SLC1A3: variants seen among roughly 807,000 people sequenced by gnomAD.
The protein encoded by SLC1A3 is solute carrier family 1 member 3, also known as excitatory amino acid transporter 1.
Under a neutral mutation model 48.1 loss-of-function variants are expected in SLC1A3, and 21 were observed. The ratio of observed to expected loss-of-function variants is 0.44; its 90% confidence interval spans 0.31 to 0.63. The LOEUF is 0.63. Among genes scored for constraint, SLC1A3 ranks in the 20% least tolerant of loss-of-function variants. SLC1A3 has a pLI of 0.08. For missense variants in SLC1A3, 546 were observed against 689.0 expected, an observed-to-expected ratio of 0.79 and a Z score of 2.32; for synonymous variants, 239 against 251.4, an observed-to-expected ratio of 0.95 and a Z score of 0.47.
At chr5:36,655,184 C>G (rs1196674661) in intron 3 of SLC1A3, among the ~76,000 whole-genome samples, 3 of 152,218 alleles carry the variant, frequency 2.0e-5, no homozygotes, top group African/African-American at 7.2e-5. Flanking sequence ...TCAGTGACTA[C>G]TACACTCTGA....
At chr5:36,655,504 G>A (rs555787707) in intron 3 of SLC1A3, among the ~76,000 whole-genome samples, 94 of 152,174 alleles carry the variant, frequency 6.2e-4, no homozygotes, top group Non-Finnish European at 1.2e-3. Flanking sequence ...GGGTGACCCT[G>A]AGTAAACAAT....
At chr5:36,637,366 A>G (rs1740436081) in intron 3 of SLC1A3, among the ~76,000 whole-genome samples, 1 of 152,244 alleles carries the variant, frequency 6.6e-6, no homozygotes. Context: ...TTAAAAGATC[A>G]GTAATAAAAG....
At chr5:36,631,871 A>G (rs1015883440) in intron 3 of SLC1A3, among the ~76,000 whole-genome samples, 2 of 152,226 alleles carry the variant, frequency 1.3e-5, no homozygotes, top group Admixed American at 1.3e-4. Flanking sequence ...ACTTCTACAA[A>G]TTACACAGAC....
At chr5:36,635,884 C>T (rs72732539) in intron 3 of SLC1A3, 1 of 152,138 alleles carries the variant, frequency 6.6e-6, no homozygotes, top group Non-Finnish European at 1.5e-5. Context: ...CGTATTGGGC[C>T]TGCTTCATTG....
upstream of SLC1A3, among the ~76,000 whole-genome samples, chr5:36,604,438 G>C (rs78947724): frequency 4.1e-3 from 617 of 152,298 alleles, 12 homozygotes; most frequent in East Asian, 0.055. Flanking sequence ...CCCCAGGCAT[G>C]ACTTTTGCTA....
upstream of SLC1A3, among the ~76,000 whole-genome samples, chr5:36,604,722 A>G (rs1738854402): frequency 6.6e-6 from 1 of 152,212 alleles, no homozygotes; most frequent in Admixed American, 6.5e-5. Flanking sequence ...AAAGGGCACC[A>G]GGGTCTTCCC....
chr5:36,676,997 A>T lies in SLC1A3; in HGVS notation c.673A>T (p.Thr225Ser). Residue 225 changes from threonine (T) to serine (S), a missense_variant, in exon 6 of 10, where the codon ACC (threonine) becomes TCC (serine). This residue lies in a region of SLC1A3 where 348 missense variants were observed against 392.0 expected (regional missense o/e 0.89). Coordinates refer to ENST00000265113, the MANE Select transcript of SLC1A3 (RefSeq NM_004172.5). ...NNVSEAMETL[T>S]RITEELVPVP... ...TGTGTCTGAGGCCATGGAGACTCTT[A>T]CCCGAATCACAGAGGAGCTGGTCCC... The T allele has an allele frequency of 6.2e-7, 1 of 1,614,056 alleles. No homozygotes were observed. Among genetic ancestry groups the T allele is most frequent in the South Asian group, 1.1e-5 (1 of 91,078 alleles).
Position 36,608,410 on chromosome 5 carries a change from T to C in SLC1A3, c.-14T>C, listed in dbSNP as rs1739047475. 1 of 1,613,518 alleles carries C rather than the reference T, an allele frequency of 6.2e-7. No homozygotes were observed. Among genetic ancestry groups the C allele is most frequent in the African/African-American group, 1.3e-5 (1 of 74,970 alleles). Reference sequence around the variant, plus strand: ...CTGAAGTGCAAAGAAGAGACCCTCCTAGAAAAGTAAAATATGACTAAAAGC... The same window carrying C: ...CTGAAGTGCAAAGAAGAGACCCTCCCAGAAAAGTAAAATATGACTAAAAGC... On this transcript the variant is annotated 5_prime_UTR_variant, in exon 2 of 10. Transcript: ENST00000265113.
chr5:36,676,678 G>C (rs1742221282), intron 5 of SLC1A3, among the ~76,000 whole-genome samples: 1 of 151,770 alleles, frequency 6.6e-6, no homozygotes, highest in Non-Finnish European at 1.5e-5. Flanking sequence ...GTCATGATTT[G>C]TATGTATTTC....
rs1469869523 is a variant in SLC1A3, at chr5:36,688,137, C to G, written c.*1868C>G. The G allele has an allele frequency of 6.6e-6, 1 of 152,172 alleles. No homozygotes were observed. Among genetic ancestry groups the G allele is most frequent in the East Asian group, 1.9e-4 (1 of 5,196 alleles). The allele number at this position is 152,172 out of a possible 1,614,324, so 9.4% of individuals were successfully genotyped here. A position where few individuals can be genotyped will look rare whatever the true frequency, so the allele number is the denominator to read the frequency against. On this transcript the variant is annotated 3_prime_UTR_variant, in exon 10 of 10. Coordinates refer to ENST00000265113, the MANE Select transcript of SLC1A3 (RefSeq NM_004172.5). The stretch of plus-strand genomic sequence containing the variant: ...TCTTAAGACACTAGTAGAGCAAAGA[C>G]TTAATCATATCAACTTAATTCTGTT...
Position 36,687,529 on chromosome 5 carries a change from TGA to T in SLC1A3, c.*1261_*1262del. 6.6e-6 allele frequency: 1 copy of T among 152,220 alleles called. No individual in the cohort carries two copies. The highest frequency in any genetic ancestry group is 1.5e-5 in the Non-Finnish European group (1 of 68,034). The allele number at this position is 152,220 out of a possible 1,614,324, so 9.4% of individuals were successfully genotyped here. A position where few individuals can be genotyped will look rare whatever the true frequency, so the allele number is the denominator to read the frequency against. On this transcript the variant is annotated 3_prime_UTR_variant, in exon 10 of 10. Transcript: ENST00000265113. ...ACTTATATATTTGAAAGAAGTCAAA[TGA>T]ATGAGCTCTCTAATAGAAGTCCATG...
chr5:36,655,899 T>C (rs1411814309), intron 3 of SLC1A3, among the ~76,000 whole-genome samples: 1 of 152,208 alleles, frequency 6.6e-6, no homozygotes, highest in African/African-American at 2.4e-5. Flanking sequence ...TGCATTAAGA[T>C]GAGTGCAAGT....
chr5:36,663,394 T>TG (rs1267287555), intron 3 of SLC1A3, among the ~76,000 whole-genome samples: 8 of 144,400 alleles, frequency 5.5e-5, no homozygotes, highest in Non-Finnish European at 9.1e-5. Flanking sequence ...TTTTTTTTTT[T>TG]TTTTTTTTTT....
In SLC1A3 at chr5:36,658,604, C is replaced by T. The variant is rs781278281; in HGVS notation, c.320-12425C>T. Among the ~76,000 whole-genome samples, 78 of 152,198 alleles carry T rather than the reference C, an allele frequency of 5.1e-4. 1 individual carries two copies. Among genetic ancestry groups the T allele is most frequent in the Non-Finnish European group, 1.0e-3 (68 of 68,012 alleles). On this transcript the variant is annotated intron_variant, in intron 3 of 9. Transcript: ENST00000265113. ...AGGAATGAGATTTTAGATTTCTAAG[C>T]AGTTTTTTTTGTTTGTTTGTTTAAT...
rs530035164 is a variant in SLC1A3, at chr5:36,632,406, C to T, written c.319+2819C>T. 1.4e-4 allele frequency among the ~76,000 whole-genome samples: 22 copies of T among 152,338 alleles called. No individual in the cohort carries two copies. In the East Asian group the frequency reaches 4.0e-3, roughly 28 times the overall value. ...ATGTCAGAATCCAATCATTGGCAGT[C>T]CTGTGCCAAAGCTTAACTGATAATG... On this transcript the variant is annotated intron_variant, in intron 3 of 9. Transcript: ENST00000265113.
intron 3 of SLC1A3, among the ~76,000 whole-genome samples, chr5:36,635,255 G>C (rs910992619): frequency 6.6e-6 from 1 of 152,020 alleles, no homozygotes; most frequent in African/African-American, 2.4e-5. Flanking sequence ...TAAGTGATAA[G>C]ATACCTGTGT....
At chr5:36,615,546 T>A (rs1739394823) in intron 2 of SLC1A3, among the ~76,000 whole-genome samples, 1 of 152,210 alleles carries the variant, frequency 6.6e-6, no homozygotes, top group Non-Finnish European at 1.5e-5. Context: ...ATAATCAGTG[T>A]TTCCTAGCCA....
At chr5:36,665,166 A>G (rs1741687591) in intron 3 of SLC1A3, among the ~76,000 whole-genome samples, 1 of 152,180 alleles carries the variant, frequency 6.6e-6, no homozygotes, top group Non-Finnish European at 1.5e-5. Flanking sequence ...AGTGTTTTAA[A>G]CAAAAGCAAC....
intron 3 of SLC1A3, among the ~76,000 whole-genome samples, chr5:36,666,061 T>TCCCCA (rs1741732654): frequency 6.6e-6 from 1 of 152,138 alleles, no homozygotes; most frequent in Non-Finnish European, 1.5e-5. Context: ...TTCTTTGTGC[T>TCCCCA]CCCTCCCCAC....
Sources: allele counts gnomAD v4.1 joint callset (sites outside exome capture counted in the v4.1 genomes callset), GRCh38; gene constraint gnomAD v4.1.1; regional missense constraint gnomAD v4.1.1; transcripts MANE v1.5; gene names NCBI Gene and HGNC (gene_info 2026-07-23, HGNC 2026-07-21).